The following NAA60 variants were observed in gnomAD, a reference collection of about 807,000 sequenced individuals.
NAA60 encodes N-alpha-acetyltransferase 60.
In NAA60, 8 loss-of-function variants were observed where a neutral mutation model predicts 26.1. That is an observed-to-expected ratio of 0.31 (90% CI 0.18 to 0.55). The LOEUF (loss-of-function observed/expected upper bound fraction) is 0.55, where lower values mean the gene tolerates loss of function less well. Among genes scored for constraint, NAA60 ranks in the 20% least tolerant of loss-of-function variants. The pLI, the probability that NAA60 is intolerant of heterozygous loss-of-function variation, is 0.93. For missense variants in NAA60, 290 were observed against 311.3 expected, an observed-to-expected ratio of 0.93 and a Z score of 0.51; for synonymous variants, 131 against 122.5, an observed-to-expected ratio of 1.07 and a Z score of -0.46.
chr16:3,445,238 C>A (rs1408955928), intron 1 of NAA60, among the ~76,000 whole-genome samples: 1 of 150,962 alleles, frequency 6.6e-6, no homozygotes. Flanking sequence ...CTGTGGTGTT[C>A]ACGTAGTCAT....
At chr16:3,483,342 C>A in intron 5 of NAA60, 21 bp from the exon 6 acceptor site, 1 of 1,562,512 alleles carries the variant, frequency 6.4e-7, no homozygotes, top group Non-Finnish European at 8.7e-7. Context: ...GCCTGCATTA[C>A]CTTTACCTCT....
At chr16:3,468,249 C>G (rs1381764204) in intron 2 of NAA60, 1 of 152,194 alleles carries the variant, frequency 6.6e-6, no homozygotes, top group African/African-American at 2.4e-5. Flanking sequence ...ATCAGAGGTA[C>G]TTTCAGTTCT....
At position 3,479,743 on chromosome 16, in the gene NAA60, T is replaced by G. The variant is rs986170524; in HGVS notation, c.240+143T>G. ...AGGAATCCAAGTGGCCAACGACACT[T>G]GTCCCTGGCTGGTGCTTTTCTGTGT... On this transcript the variant is annotated intron_variant, in intron 4 of 7. Transcript: ENST00000407558. 1.2e-5 allele frequency: 11 copies of G among 886,788 alleles called. No individual in the cohort carries two copies. The African/African-American group carries it at 1.9e-4, about 15-fold the overall frequency. The allele number at this position is 886,788 out of a possible 1,614,324, so 54.9% of individuals were successfully genotyped here. A position where few individuals can be genotyped will look rare whatever the true frequency, so the allele number is the denominator to read the frequency against.
chr16:3,482,490 C>G lies in NAA60; in HGVS notation c.241-12C>G. The G allele has an allele frequency of 8.8e-6, 14 of 1,584,368 alleles. No homozygotes were observed. The highest frequency in any genetic ancestry group is 1.2e-5 in the Non-Finnish European group (14 of 1,163,150). On this transcript the variant is annotated splice_polypyrimidine_tract_variant and intron_variant, in intron 4 of 7. Transcript: ENST00000407558. ...CGTGTGAGCCTGACTTTCTCTCTGA[C>G]TCTTCCTCTAGGATGGAGATATTCT...
At chr16:3,475,248 C>G (rs2036406824) in intron 2 of NAA60, among the ~76,000 whole-genome samples, 1 of 152,016 alleles carries the variant, frequency 6.6e-6, no homozygotes, top group South Asian at 2.1e-4. Context: ...CGCCACCAAG[C>G]CTGGTTAATT....
At chr16:3,474,432 C>G (rs937188244) in intron 2 of NAA60, among the ~76,000 whole-genome samples, 1 of 152,240 alleles carries the variant, frequency 6.6e-6, no homozygotes, top group Non-Finnish European at 1.5e-5. Flanking sequence ...ATCTCCACTC[C>G]GCAGAGAAGG....
intron 2 of NAA60, 25 bp from the exon 3 acceptor site, chr16:3,476,197 G>A (rs764928270): frequency 1.7e-5 from 27 of 1,547,438 alleles, no homozygotes; most frequent in Non-Finnish European, 2.4e-5. Context: ...GTGAGGTGAC[G>A]CGTCCCCCCC....
intron 2 of NAA60, among the ~76,000 whole-genome samples, chr16:3,464,592 A>G (rs2150974243): frequency 6.6e-6 from 1 of 152,230 alleles, no homozygotes; most frequent in African/African-American, 2.4e-5. Context: ...CCGAGAACAG[A>G]CAGATTCTTG....
At chr16:3,445,129 T>C (rs564081500) in intron 1 of NAA60, among the ~76,000 whole-genome samples, 1 of 152,122 alleles carries the variant, frequency 6.6e-6, no homozygotes, top group Non-Finnish European at 1.5e-5. Context: ...AAGAACAAAC[T>C]TGCCTACAGG....
intron 2 of NAA60, among the ~76,000 whole-genome samples, chr16:3,475,798 G>A (rs540186616): frequency 6.6e-6 from 1 of 152,226 alleles, no homozygotes; most frequent in South Asian, 2.1e-4. Flanking sequence ...TTTGAAGGGG[G>A]ATGAGGCATG....
intron 1 of NAA60, 176 bp downstream of exon 1, chr16:3,444,013 A>C (rs2034447881): frequency 2.4e-6 from 3 of 1,271,054 alleles, no homozygotes; most frequent in East Asian, 2.9e-5. Context: ...CAACGTTCAC[A>C]TCGGTGTAGG....
At chr16:3,477,448 T>G (rs2036549662) in intron 3 of NAA60, among the ~76,000 whole-genome samples, 1 of 152,212 alleles carries the variant, frequency 6.6e-6, no homozygotes, top group Non-Finnish European at 1.5e-5. Flanking sequence ...TGCGTCTTTG[T>G]GGAAGCGGGA....
intron 2 of NAA60, chr16:3,457,872 A>G (rs2035077732): frequency 5.8e-6 from 4 of 690,990 alleles, no homozygotes; most frequent in Non-Finnish European, 7.1e-6. Flanking sequence ...AGTGCCCCGC[A>G]TACGGGATCC....
intron 2 of NAA60, chr16:3,457,919 CCT>C (rs2035083321): frequency 1.2e-6 from 1 of 847,216 alleles, no homozygotes; most frequent in Non-Finnish European, 1.3e-6. Flanking sequence ...CCGCTCCCAA[CCT>C]GCCCGCTCCC....
intron 4 of NAA60, among the ~76,000 whole-genome samples, chr16:3,482,105 T>C (rs1216663793): frequency 6.6e-6 from 1 of 152,120 alleles, no homozygotes; most frequent in Non-Finnish European, 1.5e-5. Flanking sequence ...AACTTTGCAT[T>C]TGTCCACTGT....
At chr16:3,476,858 A>C (rs890817138) in intron 3 of NAA60, among the ~76,000 whole-genome samples, 1 of 152,134 alleles carries the variant, frequency 6.6e-6, no homozygotes, top group African/African-American at 2.4e-5. Flanking sequence ...CCTGACCAAC[A>C]TGGAGAAACC....
intron 3 of NAA60, among the ~76,000 whole-genome samples, chr16:3,477,823 TG>T (rs2036575739): frequency 6.6e-6 from 1 of 152,108 alleles, no homozygotes; most frequent in Non-Finnish European, 1.5e-5. Context: ...CCCAGCACTT[TG>T]GGAGGCCGAG....
At chr16:3,482,437 C>T (rs1954493627) in intron 4 of NAA60, 65 bp from the exon 5 acceptor site, 18 of 1,336,508 alleles carry the variant, frequency 1.3e-5, no homozygotes, top group Admixed American at 5.9e-5. Flanking sequence ...CCGCCTGGGC[C>T]GGGCTGTGCA....
intron 6 of NAA60, chr16:3,483,866 T>C: frequency 2.0e-6 from 1 of 494,806 alleles, no homozygotes; most frequent in South Asian, 2.5e-5. Context: ...TTACTGGGAT[T>C]ATAGGCATGA....
Sources: gnomAD v4.1 joint callset for allele counts (sites outside exome capture counted in the v4.1 genomes callset) on GRCh38, gnomAD v4.1.1 for gene constraint, MANE v1.5 for transcripts, NCBI Gene and HGNC (gene_info 2026-07-23, HGNC 2026-07-21) for gene names.